The following CA10 variants were observed in gnomAD, a reference collection of about 807,000 sequenced individuals.
CA10 encodes the protein carbonic anhydrase-related protein 10.
In CA10, 14 loss-of-function variants were observed where a neutral mutation model predicts 44.2. The observed-to-expected ratio is 0.32, with a 90% CI of 0.21 to 0.50. The LOEUF is 0.50. Among genes scored for constraint, CA10 ranks in the 20% least tolerant of loss-of-function variants. The pLI is 0.99. For synonymous variants in CA10, 159 were observed against 141.6 expected (o/e 1.12, Z -0.87); for missense variants, 350 against 409.7 (o/e 0.85, Z 1.26).
At chr17:51,678,916 C>T (rs746924988) in intron 4 of CA10, among the ~76,000 whole-genome samples, 32 of 152,184 alleles carry the variant, frequency 2.1e-4, no homozygotes, top group Non-Finnish European at 4.0e-4. Context: ...AAATAGGAAA[C>T]TAAGCTTTGG....
intron 2 of CA10, among the ~76,000 whole-genome samples, chr17:51,936,591 TGAG>T (rs1305667471): frequency 6.6e-6 from 1 of 152,082 alleles, no homozygotes; most frequent in Non-Finnish European, 1.5e-5. Context: ...ATGGACCAGA[TGAG>T]GAGAAGAGCG....
chr17:52,128,734 T>G (rs1293891776), intron 1 of CA10, among the ~76,000 whole-genome samples: 1 of 152,200 alleles, frequency 6.6e-6, no homozygotes, highest in Non-Finnish European at 1.5e-5. Flanking sequence ...GTTTTCTAAC[T>G]TTCCCTCCCA....
chr17:51,839,432 G>C (rs961690185), intron 3 of CA10, among the ~76,000 whole-genome samples: 16 of 132,450 alleles, frequency 1.2e-4, no homozygotes, highest in Non-Finnish European at 1.7e-4. Flanking sequence ...GGCGGAGCTT[G>C]CAGTGAGCCC....
chr17:51,961,186 CAA>C (rs1232298381), intron 2 of CA10, among the ~76,000 whole-genome samples: 17 of 98,972 alleles, frequency 1.7e-4, no homozygotes, highest in South Asian at 8.7e-4. Context: ...TATGTACACA[CAA>C]ACACACACAC....
At chr17:52,005,371 T>C (rs1167164809) in intron 2 of CA10, among the ~76,000 whole-genome samples, 3 of 151,926 alleles carry the variant, frequency 2.0e-5, no homozygotes, top group African/African-American at 7.2e-5. Flanking sequence ...CTCTAAACAA[T>C]GAATAATGGA....
chr17:52,120,974 T>C (rs1177046771), intron 1 of CA10, among the ~76,000 whole-genome samples: 1 of 152,218 alleles, frequency 6.6e-6, no homozygotes, highest in Non-Finnish European at 1.5e-5. Flanking sequence ...TATCATTACC[T>C]TCTGAGAACT....
intron 3 of CA10, among the ~76,000 whole-genome samples, chr17:51,868,891 G>GTTT (rs75281671): frequency 2.2e-4 from 31 of 139,408 alleles, no homozygotes; most frequent in African/African-American, 4.1e-4. Flanking sequence ...AAGTTTTTTT[G>GTTT]TTTTTTTTTT....
intron 1 of CA10, among the ~76,000 whole-genome samples, chr17:52,147,510 T>C (rs1288787619): frequency 1.4e-5 from 2 of 146,786 alleles, no homozygotes; most frequent in East Asian, 3.9e-4. Flanking sequence ...AAAAAAAGCC[T>C]GCACTAACTT....
intron 3 of CA10, among the ~76,000 whole-genome samples, chr17:51,806,304 A>C (rs1907134069): frequency 6.6e-6 from 1 of 152,252 alleles, no homozygotes; most frequent in South Asian, 2.1e-4. Context: ...TCATTCTTTA[A>C]GGCCTGATTA....
At chr17:51,991,886 C>T (rs1985053591) in intron 2 of CA10, among the ~76,000 whole-genome samples, 1 of 152,078 alleles carries the variant, frequency 6.6e-6, no homozygotes, top group East Asian at 1.9e-4. Context: ...AACCACCCCT[C>T]CTCTGCCCAC....
chr17:51,992,399 C>A (rs1250693042), intron 2 of CA10, among the ~76,000 whole-genome samples: 1 of 152,078 alleles, frequency 6.6e-6, no homozygotes, highest in Non-Finnish European at 1.5e-5. Context: ...TAGGTCTTTG[C>A]TTTTCTGAGA....
At chr17:51,788,941 T>C (rs1906401107) in intron 3 of CA10, among the ~76,000 whole-genome samples, 1 of 152,250 alleles carries the variant, frequency 6.6e-6, no homozygotes, top group Non-Finnish European at 1.5e-5. Flanking sequence ...ACTCTTTCTT[T>C]CTTCCTTTCC....
intron 3 of CA10, among the ~76,000 whole-genome samples, chr17:51,922,757 G>C (rs1982283356): frequency 6.6e-6 from 1 of 152,016 alleles, no homozygotes; most frequent in South Asian, 2.1e-4. Flanking sequence ...TTTTAATCAT[G>C]ATATTTTAAA....
At chr17:52,057,342 C>T (rs1987256921) in intron 2 of CA10, among the ~76,000 whole-genome samples, 2 of 152,178 alleles carry the variant, frequency 1.3e-5, no homozygotes, top group East Asian at 1.9e-4. Context: ...TCAGCCTACT[C>T]AACATGAAGA....
At chr17:51,692,472 T>G (rs1915247185) in intron 4 of CA10, among the ~76,000 whole-genome samples, 2 of 152,034 alleles carry the variant, frequency 1.3e-5, no homozygotes, top group African/African-American at 4.8e-5. Context: ...AAACCTAAGA[T>G]TATCTCATTT....
rs1429136968 is a variant in CA10 at position 51,631,398 on chromosome 17, A to G, written c.*186T>C. On this transcript the variant is annotated 3_prime_UTR_variant, in exon 9 of 9. Coordinates refer to ENST00000451037, the MANE Select transcript of CA10 (RefSeq NM_020178.5). ...AGTGCTTGTGTGTGTGTTTGTGAGT[A>G]TGTGTGAGAGATGTATTCCTCTGCC... 5.9e-6 allele frequency: 4 copies of G among 675,138 alleles called. No individual in the cohort carries two copies. In the African/African-American group the frequency reaches 7.2e-5, roughly 12 times the overall value. The allele number at this position is 675,138 out of a possible 1,614,324, so 41.8% of individuals were successfully genotyped here. A position where few individuals can be genotyped will look rare whatever the true frequency, so the allele number is the denominator to read the frequency against.
intron 4 of CA10, among the ~76,000 whole-genome samples, chr17:51,700,953 G>C (rs117339851): frequency 0.018 from 2,798 of 152,134 alleles, 37 homozygotes; most frequent in Middle Eastern, 0.034. Context: ...GAGAGCATCA[G>C]GATTAATAGC....
At position 52,005,212 on chromosome 17, in the gene CA10, A is replaced by G. The variant is rs553040834; in HGVS notation, c.136+67107T>C. Among the ~76,000 whole-genome samples, 5 of 152,100 alleles carry G rather than the reference A, an allele frequency of 3.3e-5. No homozygotes were observed. In the South Asian group the frequency reaches 1.0e-3, roughly 32 times the overall value. On this transcript the variant is annotated intron_variant, in intron 2 of 8. Coordinates refer to ENST00000451037, the MANE Select transcript of CA10 (RefSeq NM_020178.5). ...AGGACCTTAATGATTCTACAAATAC[A>G]TTAATAAAATCATTTAAAAATCTAT...
In CA10 at chr17:51,933,884, A is replaced by G. The variant is rs572822032; in HGVS notation, c.137-2752T>C. ...GCAGCTGCTGCTGTACTTCACTAATAAACGTCATGCCCAAAAAGTACCCCC... is the reference window on the plus strand; with the variant it reads ...GCAGCTGCTGCTGTACTTCACTAATGAACGTCATGCCCAAAAAGTACCCCC... On this transcript the variant is annotated intron_variant, in intron 2 of 8. Transcript: ENST00000451037. Among the ~76,000 whole-genome samples the G allele has an allele frequency of 4.6e-5, 7 of 152,280 alleles. No homozygotes were observed. In the South Asian group the frequency reaches 1.4e-3, roughly 32 times the overall value.
Sources: gnomAD v4.1 joint callset for allele counts (sites outside exome capture counted in the v4.1 genomes callset) on GRCh38, gnomAD v4.1.1 for gene constraint, MANE v1.5 for transcripts, NCBI Gene and HGNC (gene_info 2026-07-23, HGNC 2026-07-21) for gene names.